The following HMGB1 variants were observed in gnomAD, a reference collection of about 807,000 sequenced individuals.
The protein encoded by HMGB1 is high mobility group box 1.
For missense variants in HMGB1, 79 were observed against 253.5 expected (o/e 0.31, Z 4.67); for synonymous variants, 81 against 84.0 (o/e 0.96, Z 0.19).
chr13:30,492,845 G>A (rs1887527301), intron 1 of HMGB1, among the ~76,000 whole-genome samples: 1 of 151,914 alleles, frequency 6.6e-6, no homozygotes. Context: ...ACAAAAATTA[G>A]CTGGGCGTGG....
intron 1 of HMGB1, among the ~76,000 whole-genome samples, chr13:30,483,374 G>A (rs773602268): frequency 2.6e-5 from 4 of 151,674 alleles, no homozygotes; most frequent in Admixed American, 6.6e-5. Flanking sequence ...CTCACTCCCC[G>A]CAACCAGCAA....
intron 1 of HMGB1, among the ~76,000 whole-genome samples, chr13:30,505,334 AG>A: frequency 6.6e-6 from 1 of 152,146 alleles, no homozygotes; most frequent in East Asian, 1.9e-4. Flanking sequence ...GCGTGCCACC[AG>A]GCCTGGCTAA....
At chr13:30,500,498 T>C (rs1031212142) in intron 1 of HMGB1, among the ~76,000 whole-genome samples, 3 of 149,422 alleles carry the variant, frequency 2.0e-5, no homozygotes, top group African/African-American at 7.4e-5. Flanking sequence ...GCCTCCCAAA[T>C]AGCTGGGACT....
intron 1 of HMGB1, among the ~76,000 whole-genome samples, chr13:30,524,700 A>AAAT (rs71093076): frequency 0.087 from 1,206 of 13,904 alleles, 11 homozygotes; most frequent in Non-Finnish European, 0.2. Context: ...AAAATAAAAT[A>AAAT]AATAATAATA....
At chr13:30,547,381 G>T (rs1660300232) in intron 1 of HMGB1, among the ~76,000 whole-genome samples, 1 of 152,132 alleles carries the variant, frequency 6.6e-6, no homozygotes, top group Non-Finnish European at 1.5e-5. Context: ...AAAACCTCAT[G>T]AACAAAACAC....
At chr13:30,617,108 A>G (rs1373956090) in exon 1 of HMGB1, 1 of 152,322 alleles carries the variant, frequency 6.6e-6, no homozygotes, top group Non-Finnish European at 1.5e-5. Context: ...TCTGAAGTTA[A>G]AACAAGGCAG....
chr13:30,578,365 G>GTTT (rs1475312645), intron 1 of HMGB1, among the ~76,000 whole-genome samples: 7 of 67,074 alleles, frequency 1.0e-4, no homozygotes, highest in Non-Finnish European at 1.2e-4. Flanking sequence ...ACCAGTTCTT[G>GTTT]TTCTTTTTTT....
chr13:30,538,534 TTCCTTTCTTTC>T (rs1211265225), intron 1 of HMGB1, among the ~76,000 whole-genome samples: 1 of 137,988 alleles, frequency 7.2e-6, no homozygotes, highest in Admixed American at 7.0e-5. Flanking sequence ...CTTTCTTTCT[TTCCTTTCTTTC>T]TTTCTTTCTT....
At chr13:30,501,169 A>G (rs77719918) in intron 1 of HMGB1, among the ~76,000 whole-genome samples, 30 of 152,344 alleles carry the variant, frequency 2.0e-4, no homozygotes, top group Middle Eastern at 3.4e-3. Context: ...CACAGGTTAA[A>G]TGTGAAAGTC....
intron 1 of HMGB1, among the ~76,000 whole-genome samples, chr13:30,523,742 T>C (rs12866157): frequency 0.028 from 593 of 21,154 alleles, 4 homozygotes; most frequent in Non-Finnish European, 0.04. Flanking sequence ...TGTTGGGCCC[T>C]TTTTTTTTGT....
rs1325228236 is a variant in HMGB1, at chr13:30,457,532, T to TA, written c.*3824dup. On this transcript the variant is annotated 3_prime_UTR_variant, in exon 5 of 5. Coordinates refer to ENST00000341423, the MANE Select transcript of HMGB1 (RefSeq NM_002128.7). Reference sequence around the variant, plus strand: ...GATTTGGAGACCAACCTGGGCAACATAGAGATTCTATGTAATCTCTCATGT... The same window carrying TA: ...GATTTGGAGACCAACCTGGGCAACATAAGAGATTCTATGTAATCTCTCATGT... 3 of 152,194 alleles carry TA rather than the reference T, an allele frequency of 2.0e-5. No homozygotes were observed. Among genetic ancestry groups the TA allele is most frequent in the Non-Finnish European group, 2.9e-5 (2 of 68,046 alleles). 9.4% of individuals were successfully genotyped at this position (152,194 alleles called of 1,614,324 possible). A position where few individuals can be genotyped will look rare whatever the true frequency, so the allele number is the denominator to read the frequency against.
chr13:30,508,100 C>G (rs1041539327), intron 1 of HMGB1, among the ~76,000 whole-genome samples: 5 of 152,170 alleles, frequency 3.3e-5, no homozygotes, highest in Admixed American at 2.6e-4. Context: ...AAATTAAAAA[C>G]TGAGTATAAA....
At chr13:30,466,017 G>T (rs1253143026), upstream of HMGB1, 2 of 934,138 alleles carry the variant, frequency 2.1e-6, no homozygotes, top group Non-Finnish European at 1.3e-6. Context: ...CCATTGTCCT[G>T]ACCAGAGCCC....
At chr13:30,514,352 CT>C (rs60409517) in intron 1 of HMGB1, among the ~76,000 whole-genome samples, 21,468 of 130,314 alleles carry the variant, frequency 0.16, 2,895 homozygotes, top group African/African-American at 0.39. Context: ...CTAGTTCAAT[CT>C]TTTTTTTTTT....
chr13:30,603,560 CT>C, intron 1 of HMGB1, among the ~76,000 whole-genome samples: 1 of 152,278 alleles, frequency 6.6e-6, no homozygotes, highest in Non-Finnish European at 1.5e-5. Flanking sequence ...AGCAACTTAT[CT>C]TTTTACTAAA....
chr13:30,472,518 T>C (rs1300509611), intron 1 of HMGB1, among the ~76,000 whole-genome samples: 1 of 152,176 alleles, frequency 6.6e-6, no homozygotes, highest in Non-Finnish European at 1.5e-5. Context: ...TGAGAATCGC[T>C]TGAACCTGGG....
intron 1 of HMGB1, among the ~76,000 whole-genome samples, chr13:30,578,141 C>T (rs1316106599): frequency 6.6e-6 from 1 of 151,988 alleles, no homozygotes; most frequent in Non-Finnish European, 1.5e-5. Context: ...CCCTTTGCTT[C>T]CCTTGGCCAG....
chr13:30,537,238 C>T (rs1487697126), intron 1 of HMGB1, among the ~76,000 whole-genome samples: 1 of 152,096 alleles, frequency 6.6e-6, no homozygotes, highest in Non-Finnish European at 1.5e-5. Context: ...TTTATCTCCC[C>T]ACCGTCACCC....
At chr13:30,467,773 A>G (rs372804564), upstream of HMGB1, among the ~76,000 whole-genome samples, 5 of 152,342 alleles carry the variant, frequency 3.3e-5, no homozygotes, top group African/African-American at 1.2e-4. Context: ...TGATATTAAA[A>G]TTTGACGATT....
Sources: gnomAD v4.1 joint callset for allele counts (sites outside exome capture counted in the v4.1 genomes callset) on GRCh38, gnomAD v4.1.1 for gene constraint, MANE v1.5 for transcripts, NCBI Gene and HGNC (gene_info 2026-07-23, HGNC 2026-07-21) for gene names.